The following TACR3 variants were observed in gnomAD, a reference collection of about 807,000 sequenced individuals.
TACR3 encodes the protein neuromedin-K receptor.
A neutral mutation model predicts 35.0 loss-of-function variants in TACR3; 34 were observed. The ratio of observed to expected loss-of-function variants is 0.97; its 90% confidence interval spans 0.74 to 1.30. The LOEUF (loss-of-function observed/expected upper bound fraction) is 1.30, where lower values mean the gene tolerates loss of function less well. Among genes scored for constraint, TACR3 ranks in the 50% most tolerant of loss-of-function variants. TACR3 has a pLI of 0.00. For missense variants in TACR3, 558 were observed against 591.7 expected, an observed-to-expected ratio of 0.94 and a Z score of 0.59; for synonymous variants, 233 against 221.1, an observed-to-expected ratio of 1.05 and a Z score of -0.48.
At chr4:103,694,246 T>A (rs775084695) in intron 1 of TACR3, among the ~76,000 whole-genome samples, 16 of 148,112 alleles carry the variant, frequency 1.1e-4, no homozygotes, top group Non-Finnish European at 2.2e-4. Flanking sequence ...TGTATGCTTG[T>A]GAAGCTTACA....
chr4:103,719,273 C>A lies in TACR3; in HGVS notation c.403G>T (p.Ala135Ser), dbSNP rs759110392. The A allele has an allele frequency of 2.5e-6, 4 of 1,614,100 alleles. No homozygotes were observed. Among genetic ancestry groups the A allele is most frequent in the Non-Finnish European group, 2.5e-6 (3 of 1,180,050 alleles). ...AAATTGACCAACGTGTTGAAGGCGG[C>A]CATGGAGGCGTCGGAGAAAGCCAGG... ...VNLAFSDASM[A>S]AFNTLVNFIY... Residue 135 changes from alanine to serine, a missense_variant, in exon 1 of 5, where the codon GCC becomes TCC. Coordinates refer to ENST00000304883, the MANE Select transcript of TACR3 (RefSeq NM_001059.3).
At chr4:103,606,000 TA>T (rs1724352336) in intron 3 of TACR3, among the ~76,000 whole-genome samples, 1 of 151,954 alleles carries the variant, frequency 6.6e-6, no homozygotes, top group Admixed American at 6.6e-5. Context: ...TTAATTTTTG[TA>T]TAAGGTGTAA....
intron 3 of TACR3, among the ~76,000 whole-genome samples, chr4:103,628,324 A>C (rs1578233025): frequency 6.6e-6 from 1 of 151,560 alleles, no homozygotes; most frequent in East Asian, 1.9e-4. Context: ...ATAGAGACAC[A>C]AAAAACCCTT....
At chr4:103,597,056 A>T (rs1292485293) in intron 3 of TACR3, among the ~76,000 whole-genome samples, 1 of 152,112 alleles carries the variant, frequency 6.6e-6, no homozygotes, top group East Asian at 1.9e-4. Context: ...GTGCCGCAAT[A>T]AACACATGTG....
chr4:103,638,250 C>A (rs1725245114), intron 3 of TACR3, among the ~76,000 whole-genome samples: 1 of 150,964 alleles, frequency 6.6e-6, no homozygotes, highest in Admixed American at 6.6e-5. Context: ...AGATATAGAC[C>A]AATGGAACAG....
rs548087338 is a variant in TACR3 at position 103,637,539 on chromosome 4, T to A, written c.888+18655A>T. On this transcript the variant is annotated intron_variant, in intron 3 of 4. Transcript: ENST00000304883. Reference sequence around the variant, plus strand: ...TTTGAAAACTGGCACAAGACAAGGATGCCCTCTCTCACCACTCCTATTCAA... The same window carrying A: ...TTTGAAAACTGGCACAAGACAAGGAAGCCCTCTCTCACCACTCCTATTCAA... Among the ~76,000 whole-genome samples the A allele has an allele frequency of 5.9e-5, 9 of 152,136 alleles. No homozygotes were observed. The East Asian group carries it at 1.5e-3, about 26-fold the overall frequency.
chr4:103,600,768 T>G (rs2110290196), intron 3 of TACR3, among the ~76,000 whole-genome samples: 1 of 152,280 alleles, frequency 6.6e-6, no homozygotes, highest in South Asian at 2.1e-4. Context: ...AGTTGAGCAG[T>G]TTTGAGTGAG....
intron 1 of TACR3, among the ~76,000 whole-genome samples, chr4:103,695,842 A>G (rs1297121094): frequency 6.6e-6 from 1 of 152,028 alleles, no homozygotes; most frequent in Non-Finnish European, 1.5e-5. Context: ...CAAGAATTCT[A>G]TCAGGAATGG....
chr4:103,598,103 C>T (rs1379834455), intron 3 of TACR3, among the ~76,000 whole-genome samples: 3 of 152,182 alleles, frequency 2.0e-5, no homozygotes, highest in African/African-American at 7.2e-5. Context: ...TCCACATCCT[C>T]TCCAGCACCT....
intron 1 of TACR3, among the ~76,000 whole-genome samples, chr4:103,710,167 T>C (rs1722909364): frequency 6.6e-6 from 1 of 152,176 alleles, no homozygotes; most frequent in Admixed American, 6.6e-5. Flanking sequence ...CTAATAGACA[T>C]CTACAGAACT....
chr4:103,632,954 C>T lies in TACR3; in HGVS notation c.888+23240G>A, dbSNP rs1446915332. Among the ~76,000 whole-genome samples, 8 of 151,918 alleles carry T rather than the reference C, an allele frequency of 5.3e-5. No individual in the cohort carries two copies. The East Asian group carries it at 1.5e-3, about 29-fold the overall frequency. ...TTATAGAAGGAAGAATAAATTTGTT[C>T]TCTTAAAACTTACATAGTGAGTACA... is the stretch of plus-strand genomic sequence containing the variant. On this transcript the variant is annotated intron_variant, in intron 3 of 4. Coordinates refer to ENST00000304883, the MANE Select transcript of TACR3 (RefSeq NM_001059.3).
chr4:103,596,388 T>A (rs1003226102), intron 3 of TACR3, among the ~76,000 whole-genome samples: 44 of 151,920 alleles, frequency 2.9e-4, no homozygotes, highest in African/African-American at 9.9e-4. Context: ...GTGTTCCTAT[T>A]TCTCCACATC....
intron 3 of TACR3, among the ~76,000 whole-genome samples, chr4:103,609,114 T>C (rs1724453923): frequency 2.0e-5 from 3 of 152,104 alleles, no homozygotes; most frequent in Non-Finnish European, 4.4e-5. Flanking sequence ...AAGTGTGTAA[T>C]AGGGAACTAC....
chr4:103,713,694 T>C (rs1723023534), intron 1 of TACR3, among the ~76,000 whole-genome samples: 1 of 151,456 alleles, frequency 6.6e-6, no homozygotes, highest in African/African-American at 2.4e-5. Context: ...TCAATCACAG[T>C]GGAAAATAAA....
At chr4:103,633,198 A>T (rs936419609) in intron 3 of TACR3, among the ~76,000 whole-genome samples, 2 of 152,004 alleles carry the variant, frequency 1.3e-5, no homozygotes, top group African/African-American at 4.8e-5. Flanking sequence ...AATACCTTTT[A>T]GTGTTGATGA....
rs747257856 is a variant in TACR3 at position 103,589,843 on chromosome 4, A to T, written c.1237T>A (p.Phe413Ile). Residue 413 changes from phenylalanine to isoleucine, a missense_variant, in exon 5 of 5, where the codon TTT becomes ATT. By Grantham distance (21) the Phe-to-Ile change is conservative. Transcript: ENST00000304883. ...GTGGTGTCTGCATCGTTGGGGTCAA[A>T]CACGACTGTCATGGACTCCATTCTG... ...VTRMESMTVVFDPNDADTTRS... is the reference protein window; with the variant it reads ...VTRMESMTVVIDPNDADTTRS... 4.3e-6 allele frequency: 7 copies of T among 1,613,904 alleles called. No individual in the cohort carries two copies. In the South Asian group the frequency reaches 4.4e-5, roughly 10 times the overall value.
At chr4:103,700,012 AC>A (rs1722608903) in intron 1 of TACR3, among the ~76,000 whole-genome samples, 1 of 152,142 alleles carries the variant, frequency 6.6e-6, no homozygotes, top group South Asian at 2.1e-4. Flanking sequence ...TGTGCCCCAT[AC>A]CTATACAACA....
chr4:103,611,099 A>G (rs183730320), intron 3 of TACR3, among the ~76,000 whole-genome samples: 2 of 152,186 alleles, frequency 1.3e-5, no homozygotes, highest in East Asian at 3.9e-4. Flanking sequence ...TGCTTTAGCT[A>G]TTCAGGGTCT....
intron 1 of TACR3, among the ~76,000 whole-genome samples, chr4:103,683,621 A>C (rs908588815): frequency 6.6e-6 from 1 of 151,660 alleles, no homozygotes; most frequent in Non-Finnish European, 1.5e-5. Context: ...CCAGTTTCTT[A>C]ATATGTGCAA....
Sources: allele counts gnomAD v4.1 joint callset (sites outside exome capture counted in the v4.1 genomes callset), GRCh38; gene constraint gnomAD v4.1.1; transcripts MANE v1.5; gene names NCBI Gene and HGNC (gene_info 2026-07-23, HGNC 2026-07-21).